The following HYOU1 variants were observed in gnomAD, a reference collection of about 807,000 sequenced individuals.
HYOU1 encodes hypoxia up-regulated 1.
HYOU1 carries 40 observed loss-of-function variants against 120.5 expected under a neutral mutation model. The ratio of observed to expected loss-of-function variants is 0.33; its 90% CI spans 0.26 to 0.43. HYOU1 has a LOEUF of 0.43. Among genes scored for constraint, HYOU1 ranks in the 20% least tolerant of loss-of-function variants. The pLI is 1.00. For missense variants in HYOU1, 1,085 were observed against 1,278.3 expected, an observed-to-expected ratio of 0.85 and a Z score of 2.31; for synonymous variants, 501 against 479.4, an observed-to-expected ratio of 1.05 and a Z score of -0.59.
At chr11:119,049,995 C>G (rs1284718383) in intron 14 of HYOU1, among the ~76,000 whole-genome samples, 158 bp from the exon 15 acceptor site, 2 of 152,236 alleles carry the variant, frequency 1.3e-5, no homozygotes, top group East Asian at 3.8e-4. Context: ...TGCCCATCTC[C>G]TTTGATTAAG....
chr11:119,056,649 G>A (rs1195437735), intron 1 of HYOU1, among the ~76,000 whole-genome samples: 2 of 152,238 alleles, frequency 1.3e-5, no homozygotes, highest in Non-Finnish European at 1.5e-5. Flanking sequence ...ATGAAGGAAA[G>A]GCCTATCTCC....
In HYOU1 at chr11:119,051,930, G is replaced by T. The variant is rs1235992389; in HGVS notation, c.1227C>A (p.Ile409=). Residue 409 remains isoleucine (I), a synonymous_variant, in exon 12 of 26, where the codon ATC becomes ATA. Transcript: ENST00000617285. This position sits in a 1 kb window ranked among gnomAD's most constrained non-coding sequence, Gnocchi z 4.2. ...CCATGGCGGCTGCTTCATCTGCATTGATGTTCTTCCCCAGCTCCTCCCTGG... is the reference window on the plus strand; with the variant it reads ...CCATGGCGGCTGCTTCATCTGCATTTATGTTCTTCCCCAGCTCCTCCCTGG... The part of the protein sequence containing the change: ...AVGKEELGKN[I]NADEAAAMGA... 1 of 1,613,992 alleles carries T rather than the reference G, an allele frequency of 6.2e-7. No homozygotes were observed. Among genetic ancestry groups the T allele is most frequent in the African/African-American group, 1.3e-5 (1 of 74,880 alleles).
intron 14 of HYOU1, 74 bp downstream of exon 14, chr11:119,050,961 G>A: frequency 1.3e-6 from 2 of 1,568,808 alleles, no homozygotes; most frequent in Non-Finnish European, 1.7e-6. Context: ...CTAATGCCAT[G>A]TGGAACCCAC....
intron 1 of HYOU1, chr11:119,056,689 C>A: frequency 3.6e-6 from 1 of 281,006 alleles, no homozygotes; most frequent in South Asian, 3.3e-5. Context: ...TTGTCCCGCC[C>A]CCTCCCCTTT....
At position 119,045,841 on chromosome 11, in the gene HYOU1, G is replaced by A. The variant is rs1428421582; in HGVS notation, c.2888-10C>T. 6.2e-7 allele frequency: 1 copy of A among 1,612,166 alleles called. No individual in the cohort carries two copies. Among genetic ancestry groups the A allele is most frequent in the East Asian group, 2.2e-5 (1 of 44,886 alleles). ...TCTCCTGGCTCGGATCCTGCTTTGG[G>A]AAGAAACAGGTTAGTCTCCTCAGAA... is the stretch of plus-strand genomic sequence containing the variant. On this transcript the variant is annotated splice_polypyrimidine_tract_variant and intron_variant, in intron 24 of 25. Coordinates refer to ENST00000617285, the MANE Select transcript of HYOU1 (RefSeq NM_006389.5).
chr11:119,056,418 G>A, intron 1 of HYOU1: 1 of 581,042 alleles, frequency 1.7e-6, no homozygotes, highest in South Asian at 1.5e-5. Context: ...AAACAGAGAA[G>A]CTAACAGGAC....
At chr11:119,046,924 G>A in intron 22 of HYOU1, 122 bp from the exon 23 acceptor site, 1 of 1,322,638 alleles carries the variant, frequency 7.6e-7, no homozygotes, top group South Asian at 1.4e-5. Flanking sequence ...GCCACCCCTG[G>A]CCTCAGCCCC....
rs782797328 is a variant in HYOU1 at position 119,055,785 on chromosome 11, G to C, written c.150C>G (p.Val50=). Residue 50 remains valine, a synonymous_variant, in exon 3 of 26, where the codon GTC becomes GTG. Transcript: ENST00000617285. This position sits in a 1 kb window ranked among gnomAD's most constrained non-coding sequence, Gnocchi z 4.0. ...LGSESMKVAI[V]KPGVPMEIVL... ...CAATTTCCATGGGCACTCCAGGTTTGACAATGGCCACCTTCATGGACTCAC... is the reference window on the plus strand; with the variant it reads ...CAATTTCCATGGGCACTCCAGGTTTCACAATGGCCACCTTCATGGACTCAC... 3.1e-6 allele frequency: 5 copies of C among 1,614,096 alleles called. No individual in the cohort carries two copies. The highest frequency in any genetic ancestry group is 3.3e-5 in the Admixed American group (2 of 60,030).
In HYOU1 at chr11:119,057,186, G is replaced by C. The variant is rs1317602888; in HGVS notation, c.-174C>G. The C allele has an allele frequency of 2.0e-5, 3 of 151,154 alleles. No homozygotes were observed. Among genetic ancestry groups the C allele is most frequent in the African/African-American group, 4.8e-5 (2 of 41,254 alleles). The allele number at this position is 151,154 out of a possible 1,614,324, so 9.4% of individuals were successfully genotyped here. A position where few individuals can be genotyped will look rare whatever the true frequency, so the allele number is the denominator to read the frequency against. On this transcript the variant is annotated 5_prime_UTR_variant, in exon 1 of 26. Coordinates refer to ENST00000617285, the MANE Select transcript of HYOU1 (RefSeq NM_006389.5). The stretch of plus-strand genomic sequence containing the variant: ...GGCGTCTCGCGCACCAGCCGGCCCC[G>C]GACGCGGCGCGCGCTCATTGGAGCC...
chr11:119,051,635 A>C lies in HYOU1; in HGVS notation c.1339-10T>G. 5 of 1,613,934 alleles carry C rather than the reference A, an allele frequency of 3.1e-6. No homozygotes were observed. Among genetic ancestry groups the C allele is most frequent in the Non-Finnish European group, 4.2e-6 (5 of 1,179,908 alleles). Reference sequence around the variant, plus strand: ...CCCTCGTGAACTCCACCTACACAGCAGGCAGACAGAGGCACACTGTTGCAC... The same window carrying C: ...CCCTCGTGAACTCCACCTACACAGCCGGCAGACAGAGGCACACTGTTGCAC... On this transcript the variant is annotated splice_polypyrimidine_tract_variant and intron_variant, in intron 12 of 25. Transcript: ENST00000617285. This position sits in a 1 kb window ranked among gnomAD's most constrained non-coding sequence, Gnocchi z 4.2.
chr11:119,048,438 A>G lies in HYOU1; in HGVS notation c.2253+38T>C. 6.2e-7 allele frequency: 1 copy of G among 1,613,076 alleles called. No individual in the cohort carries two copies. The highest frequency in any genetic ancestry group is 8.5e-7 in the Non-Finnish European group (1 of 1,179,818). On this transcript the variant is annotated intron_variant, in intron 19 of 25. Transcript: ENST00000617285. This position sits in a 1 kb window ranked among gnomAD's most constrained non-coding sequence, Gnocchi z 4.7. ...AGGCAAGGCCCACAGAGCCAGGTGT[A>G]AGCCCAGTGGGGGGGCTGCTGCCTC...
chr11:119,045,499 G>T lies in HYOU1; in HGVS notation c.*94C>A. ...GGGTGAGAAAGGAACTCCAGCCGAG[G>T]GCAGGACCAACCCCTCCCCCAACCC... is the stretch of plus-strand genomic sequence containing the variant. On this transcript the variant is annotated 3_prime_UTR_variant, in exon 26 of 26. Transcript: ENST00000617285. The T allele has an allele frequency of 9.0e-7, 1 of 1,109,952 alleles. No individual in the cohort carries two copies. Among genetic ancestry groups the T allele is most frequent in the Non-Finnish European group, 1.4e-6 (1 of 722,916 alleles). The allele number at this position is 1,109,952 out of a possible 1,614,324, so 68.8% of individuals were successfully genotyped here.
Position 119,055,170 on chromosome 11 carries a change from C to T in HYOU1, c.419+15G>A, listed in dbSNP as rs1944677576. 6.2e-7 allele frequency: 1 copy of T among 1,611,664 alleles called. No individual in the cohort carries two copies. The highest frequency in any genetic ancestry group is 8.5e-7 in the Non-Finnish European group (1 of 1,178,294). ...GCAGCGTTGCCGAGACCACCTTCCCCAACAGAGCACTCACGAGCTGATCTG... is the reference window on the plus strand; with the variant it reads ...GCAGCGTTGCCGAGACCACCTTCCCTAACAGAGCACTCACGAGCTGATCTG... On this transcript the variant is annotated intron_variant, in intron 5 of 25. Coordinates refer to ENST00000617285, the MANE Select transcript of HYOU1 (RefSeq NM_006389.5). This position sits in a 1 kb window ranked among gnomAD's most constrained non-coding sequence, Gnocchi z 4.0.
Position 119,052,949 on chromosome 11 carries a change from C to T in HYOU1, c.795-120G>A, listed in dbSNP as rs1020124638. The T allele has an allele frequency of 5.5e-6, 5 of 903,816 alleles. No homozygotes were observed. The African/African-American group carries it at 6.7e-5, about 12-fold the overall frequency. 56.0% of individuals were successfully genotyped at this position (903,816 alleles called of 1,614,324 possible). A position where few individuals can be genotyped will look rare whatever the true frequency, so the allele number is the denominator to read the frequency against. On this transcript the variant is annotated intron_variant, in intron 8 of 25. Coordinates refer to ENST00000617285, the MANE Select transcript of HYOU1 (RefSeq NM_006389.5). This position sits in a 1 kb window ranked among gnomAD's most constrained non-coding sequence, Gnocchi z 5.0. The stretch of plus-strand genomic sequence containing the variant: ...CATCTCAGGGGACCTTGTTCATCTC[C>T]AGTGCCCCATGTGTGGACACACACT...
At position 119,057,120 on chromosome 11, in the gene HYOU1, CT is replaced by C. The variant is rs1944830491; in HGVS notation, c.-109del. ...CCCACCCGCGCCCTTCACAACTCCT[CT>C]CGGTTTGCAAACTGTTACATTAGCC... On this transcript the variant is annotated 5_prime_UTR_variant, in exon 1 of 26. Coordinates refer to ENST00000617285, the MANE Select transcript of HYOU1 (RefSeq NM_006389.5). 6.6e-6 allele frequency: 1 copy of C among 152,076 alleles called. No homozygotes were observed. The highest frequency in any genetic ancestry group is 1.5e-5 in the Non-Finnish European group (1 of 67,958). 9.4% of individuals were successfully genotyped at this position (152,076 alleles called of 1,614,324 possible).
At chr11:119,047,503 CTT>C (rs2134680766) in intron 22 of HYOU1, 1 of 499,088 alleles carries the variant, frequency 2.0e-6, no homozygotes, top group East Asian at 3.7e-5. Context: ...CTCAAAGCAG[CTT>C]TCTCTGTCCT....
At position 119,051,424 on chromosome 11, in the gene HYOU1, C is replaced by G. The variant is rs1409588252; in HGVS notation, c.1526+14G>C. On this transcript the variant is annotated intron_variant, in intron 13 of 25. Transcript: ENST00000617285. The surrounding 1 kb of genome is among the most constrained non-coding windows in gnomAD (Gnocchi z 4.2). ...CCCTCCCTGGAGCTCCCATCCTACA[C>G]CCCTGCCCCTCACCGAAGATCTTCA... 1.2e-6 allele frequency: 2 copies of G among 1,613,428 alleles called. No homozygotes were observed. The highest frequency in any genetic ancestry group is 3.3e-5 in the Admixed American group (2 of 59,996).
At chr11:119,049,234 G>C (rs144997033) in intron 16 of HYOU1, 31 bp from the exon 17 acceptor site, 5 of 1,588,554 alleles carry the variant, frequency 3.1e-6, no homozygotes, top group Non-Finnish European at 4.3e-6. Flanking sequence ...CCCAGGGAAC[G>C]ATCAGGAGCA....
chr11:119,048,456 G>A lies in HYOU1; in HGVS notation c.2253+20C>T, dbSNP rs2133564504. 1.2e-6 allele frequency: 2 copies of A among 1,613,208 alleles called. No homozygotes were observed. The highest frequency in any genetic ancestry group is 1.3e-5 in the African/African-American group (1 of 75,044). ...CAGGTGTAAGCCCAGTGGGGGGGCT[G>A]CTGCCTCCTGCCCACTGACCTGGGT... On this transcript the variant is annotated intron_variant, in intron 19 of 25. Transcript: ENST00000617285. This position sits in a 1 kb window ranked among gnomAD's most constrained non-coding sequence, Gnocchi z 4.7.
Sources: allele counts gnomAD v4.1 joint callset (sites outside exome capture counted in the v4.1 genomes callset), GRCh38; gene constraint gnomAD v4.1.1; non-coding constraint Gnocchi (gnomAD v3.1); transcripts MANE v1.5; gene names NCBI Gene and HGNC (gene_info 2026-07-23, HGNC 2026-07-21).